Variants in EEA1 observed in about 807,000 individuals in gnomAD.
EEA1 encodes early endosome antigen 1, 162kD.
Under a neutral mutation model 209.2 loss-of-function variants are expected in EEA1, and 111 were observed. That is an observed-to-expected ratio of 0.53 (90% CI 0.45 to 0.62). The LOEUF (loss-of-function observed/expected upper bound fraction) is 0.62, where lower values mean the gene tolerates loss of function less well. EEA1 is among the 20% of genes least tolerant of loss of function. The pLI is 0.00. For missense variants in EEA1, 1,343 were observed against 1,530.8 expected (o/e 0.88, Z 2.05); for synonymous variants, 536 against 540.6 (o/e 0.99, Z 0.12).
chr12:92,913,390 T>C (rs998768479), intron 1 of EEA1, among the ~76,000 whole-genome samples: 12 of 152,240 alleles, frequency 7.9e-5, no homozygotes, highest in African/African-American at 2.9e-4. Context: ...TCTGATGGAC[T>C]TGTTTTTTTC....
In EEA1 at chr12:92,826,249, G is replaced by T; in HGVS notation, c.1441C>A (p.His481Asn). ...EKVTNSTELQ[H>N]QLDKTKQQHQ... ...TGTTGCTTTGTTTTATCTAATTGAT[G>T]CTGCAATTCTGTAGAATTTGTAACT... is the stretch of plus-strand genomic sequence containing the variant. The change falls in exon 13 of 29, where the codon CAT becomes AAT. Residue 481 changes from histidine (H) to asparagine (N), a missense_variant. By Grantham distance (68) the His-to-Asn change is moderately conservative. Coordinates refer to ENST00000322349, the MANE Select transcript of EEA1 (RefSeq NM_003566.4). 1 of 1,612,840 alleles carries T rather than the reference G, an allele frequency of 6.2e-7. No individual in the cohort carries two copies.
intron 16 of EEA1, among the ~76,000 whole-genome samples, chr12:92,812,105 T>C (rs1875547601): frequency 6.6e-6 from 1 of 151,922 alleles, no homozygotes; most frequent in Non-Finnish European, 1.5e-5. Context: ...CCAAGGTGGG[T>C]GAATCACCTG....
intron 6 of EEA1, 29 bp downstream of exon 6, chr12:92,853,886 G>A: frequency 6.3e-7 from 1 of 1,583,936 alleles, no homozygotes; most frequent in Non-Finnish European, 8.5e-7. Flanking sequence ...AAAGAAAACT[G>A]ACAAAATATC....
At chr12:92,825,324 G>A (rs549178591) in intron 13 of EEA1, among the ~76,000 whole-genome samples, 4 of 151,954 alleles carry the variant, frequency 2.6e-5, no homozygotes, top group Admixed American at 6.6e-5. Flanking sequence ...GGTGGCGGAC[G>A]CCTGTAGTCC....
chr12:92,817,920 T>C (rs1281163258), intron 14 of EEA1, among the ~76,000 whole-genome samples: 2 of 152,188 alleles, frequency 1.3e-5, no homozygotes, highest in Non-Finnish European at 1.5e-5. Flanking sequence ...GTCTACTGAA[T>C]ACTCCAAGTG....
chr12:92,873,757 C>T (rs961256057), intron 2 of EEA1, among the ~76,000 whole-genome samples: 2 of 152,162 alleles, frequency 1.3e-5, no homozygotes, highest in Admixed American at 6.6e-5. Context: ...ATAACAATAA[C>T]ACCTACTTCA....
At chr12:92,795,786 T>C (rs544136401) in intron 21 of EEA1, among the ~76,000 whole-genome samples, 96 of 152,352 alleles carry the variant, frequency 6.3e-4, no homozygotes, top group Non-Finnish European at 1.1e-3. Context: ...CTTTTTCACA[T>C]TGACGGTCAT....
rs1592785418 is a variant in EEA1 at position 92,929,146 on chromosome 12, G to A, written c.-80C>T. 7.0e-7 allele frequency: 1 copy of A among 1,426,792 alleles called. No individual in the cohort carries two copies. Among genetic ancestry groups the A allele is most frequent in the East Asian group, 2.8e-5 (1 of 35,748 alleles). 88.4% of individuals were successfully genotyped at this position (1,426,792 alleles called of 1,614,324 possible). ...CACTCACTACTCGGGGTGCGCGGGC[G>A]GGAGGGACTGGGCCGGGAGGGGACC... On this transcript the variant is annotated 5_prime_UTR_variant, in exon 1 of 29. Coordinates refer to ENST00000322349, the MANE Select transcript of EEA1 (RefSeq NM_003566.4).
intron 10 of EEA1, among the ~76,000 whole-genome samples, chr12:92,838,423 C>G (rs1877021613): frequency 6.6e-6 from 1 of 152,058 alleles, no homozygotes; most frequent in Admixed American, 6.6e-5. Flanking sequence ...AAGGTAAGCT[C>G]TGGGTTCAAA....
At chr12:92,837,886 T>A (rs1198948585) in intron 10 of EEA1, among the ~76,000 whole-genome samples, 1 of 152,076 alleles carries the variant, frequency 6.6e-6, no homozygotes, top group Non-Finnish European at 1.5e-5. Context: ...GATTCCAAAT[T>A]CAAAGCACTT....
intron 10 of EEA1, among the ~76,000 whole-genome samples, chr12:92,838,268 T>C (rs1377285756): frequency 1.3e-5 from 2 of 152,192 alleles, no homozygotes; most frequent in African/African-American, 2.4e-5. Context: ...GCTAGAGTAT[T>C]TGACTGTACA....
chr12:92,834,143 G>A (rs2136694739), intron 10 of EEA1, among the ~76,000 whole-genome samples: 1 of 152,064 alleles, frequency 6.6e-6, no homozygotes, highest in East Asian at 1.9e-4. Context: ...CATGGGAAAC[G>A]CAGCAATAAA....
chr12:92,841,029 T>C lies in EEA1; in HGVS notation c.915+1436A>G, dbSNP rs552358425. Among the ~76,000 whole-genome samples the C allele has an allele frequency of 2.0e-5, 3 of 152,306 alleles. No individual in the cohort carries two copies. In the South Asian group the frequency reaches 6.2e-4, roughly 32 times the overall value. On this transcript the variant is annotated intron_variant, in intron 10 of 28. Coordinates refer to ENST00000322349, the MANE Select transcript of EEA1 (RefSeq NM_003566.4). ...GCACCATCTATGAACCAGAAAGCAA[T>C]GTTTCACCAGACACCAAATCTGCTA...
Position 92,879,464 on chromosome 12 carries a change from G to A in EEA1, c.117+12165C>T, listed in dbSNP as rs1005352378. ...AATCAATGTAAATCTTCACAGTAAC[G>A]GAAAGAGAAAATCATATTATCATCT... On this transcript the variant is annotated intron_variant, in intron 2 of 28. Coordinates refer to ENST00000322349, the MANE Select transcript of EEA1 (RefSeq NM_003566.4). The A allele has an allele frequency of 1.8e-5, 6 of 341,642 alleles. 1 individual carries two copies. The highest frequency in any genetic ancestry group is 4.5e-5 in the South Asian group (2 of 44,610). 21.2% of individuals were successfully genotyped at this position (341,642 alleles called of 1,614,324 possible). A position where few individuals can be genotyped will look rare whatever the true frequency, so the allele number is the denominator to read the frequency against.
At chr12:92,881,950 C>T (rs1275578874) in intron 2 of EEA1, among the ~76,000 whole-genome samples, 2 of 152,148 alleles carry the variant, frequency 1.3e-5, no homozygotes. Context: ...AGACCAACTC[C>T]ATTTCTTCCT....
chr12:92,846,348 C>T (rs1037931782), intron 9 of EEA1, among the ~76,000 whole-genome samples: 1 of 152,136 alleles, frequency 6.6e-6, no homozygotes, highest in African/African-American at 2.4e-5. Flanking sequence ...GACAAAAGTA[C>T]ACACTGAGCA....
intron 21 of EEA1, among the ~76,000 whole-genome samples, chr12:92,793,394 T>C (rs898425799): frequency 6.6e-6 from 1 of 152,048 alleles, no homozygotes; most frequent in Non-Finnish European, 1.5e-5. Flanking sequence ...ATTGTCTCAG[T>C]CCAAAATCTC....
chr12:92,929,172 G>T lies in EEA1; in HGVS notation c.-106C>A. On this transcript the variant is annotated 5_prime_UTR_variant, in exon 1 of 29. Coordinates refer to ENST00000322349, the MANE Select transcript of EEA1 (RefSeq NM_003566.4). ...GGAGGGACTGGGCCGGGAGGGGACC[G>T]GGAAGGAGGTCGGGGCGAGGCGGTG... The T allele has an allele frequency of 8.1e-7, 1 of 1,227,466 alleles. No individual in the cohort carries two copies. Among genetic ancestry groups the T allele is most frequent in the South Asian group, 1.4e-5 (1 of 71,832 alleles). The allele number at this position is 1,227,466 out of a possible 1,614,324, so 76.0% of individuals were successfully genotyped here.
At chr12:92,928,980 C>G in intron 1 of EEA1, 63 bp downstream of exon 1, 5 of 1,531,268 alleles carry the variant, frequency 3.3e-6, no homozygotes, top group Non-Finnish European at 4.4e-6. Flanking sequence ...GCGCCCGCGC[C>G]GCGGCCCCGA....
Sources: allele counts gnomAD v4.1 joint callset (sites outside exome capture counted in the v4.1 genomes callset), GRCh38; gene constraint gnomAD v4.1.1; transcripts MANE v1.5; gene names NCBI Gene and HGNC (gene_info 2026-07-23, HGNC 2026-07-21).